Variants in OR2V2 observed in about 807,000 individuals in gnomAD.
OR2V2 encodes olfactory receptor 2V2.
For synonymous variants in OR2V2, 161 were observed against 151.3 expected, an observed-to-expected ratio of 1.06 and a Z score of -0.47; for missense variants, 392 against 392.2, an observed-to-expected ratio of 1.00 and a Z score of 0.00.
Position 181,155,895 on chromosome 5 carries a change from A to T in OR2V2, c.*5A>T. 1 of 1,605,032 alleles carries T rather than the reference A, an allele frequency of 6.2e-7. No individual in the cohort carries two copies. Among genetic ancestry groups the T allele is most frequent in the Non-Finnish European group, 8.5e-7 (1 of 1,173,068 alleles). On this transcript the variant is annotated 3_prime_UTR_variant, in exon 2 of 2. Transcript: ENST00000641492. The stretch of plus-strand genomic sequence containing the variant: ...AGGATCGGCAGCCAGCACTGAACCC[A>T]GGGCATCCAGTGCCTGGCTCTGCCA...
intron 1 of OR2V2, among the ~76,000 whole-genome samples, chr5:181,152,709 A>AC (rs1763207545): frequency 6.6e-6 from 1 of 152,196 alleles, no homozygotes; most frequent in African/African-American, 2.4e-5. Flanking sequence ...GTCACAAAAT[A>AC]CCCCACTCCT....
rs551319580 is a variant in OR2V2 at position 181,150,740 on chromosome 5, C to T, written c.-25+2745C>T. Among the ~76,000 whole-genome samples, 9 of 152,196 alleles carry T rather than the reference C, an allele frequency of 5.9e-5. No homozygotes were observed. The East Asian group carries it at 1.7e-3, about 29-fold the overall frequency. On this transcript the variant is annotated intron_variant, in intron 1 of 1. Coordinates refer to ENST00000641492, the MANE Select transcript of OR2V2 (RefSeq NM_206880.2). ...CCTGGAATCCCAGCACTTTGGGAGG[C>T]CGAGGTGGGAGGATTGCTTGAGATC...
Position 181,155,965 on chromosome 5 carries a change from A to G in OR2V2, c.*75A>G. 1 of 1,385,482 alleles carries G rather than the reference A, an allele frequency of 7.2e-7. No individual in the cohort carries two copies. The highest frequency in any genetic ancestry group is 9.8e-7 in the Non-Finnish European group (1 of 1,020,376). The allele number at this position is 1,385,482 out of a possible 1,614,324, so 85.8% of individuals were successfully genotyped here. A position where few individuals can be genotyped will look rare whatever the true frequency, so the allele number is the denominator to read the frequency against. On this transcript the variant is annotated 3_prime_UTR_variant, in exon 2 of 2. Coordinates refer to ENST00000641492, the MANE Select transcript of OR2V2 (RefSeq NM_206880.2). ...TCGGGTTAATAATTCTCTCATTTTC[A>G]GTCTTGGTTTCCTCGTGAATTATGA...
chr5:181,155,278 G>A lies in OR2V2; in HGVS notation c.336G>A (p.Glu112=), dbSNP rs140710127. The change falls in exon 2 of 2, where the codon GAG becomes GAA. Residue 112 remains glutamate (E), a synonymous_variant. Coordinates refer to ENST00000641492, the MANE Select transcript of OR2V2 (RefSeq NM_206880.2). ...TCTTTGTCTGTCTTGTGGGATCTGA[G>A]GGGCTCTTGCTGGGACTCATGGCTT... The part of the protein sequence containing the change: ...IGLFVCLVGS[E]GLLLGLMAYD... The A allele has an allele frequency of 1.4e-4, 230 of 1,614,160 alleles. 1 individual carries two copies. In the Middle Eastern group the frequency reaches 4.0e-3, roughly 28 times the overall value.
At chr5:181,149,784 T>C (rs1200963765) in intron 1 of OR2V2, among the ~76,000 whole-genome samples, 1 of 152,158 alleles carries the variant, frequency 6.6e-6, no homozygotes, top group Non-Finnish European at 1.5e-5. Context: ...TTTCAGTTTT[T>C]GCAAAGAAAT....
At chr5:181,149,544 T>C (rs935215610) in intron 1 of OR2V2, among the ~76,000 whole-genome samples, 14 of 152,206 alleles carry the variant, frequency 9.2e-5, no homozygotes, top group African/African-American at 3.4e-4. Flanking sequence ...ACAAATGTCT[T>C]TAGTGACTCA....
At chr5:181,150,846 G>A (rs1308465124) in intron 1 of OR2V2, among the ~76,000 whole-genome samples, 3 of 152,102 alleles carry the variant, frequency 2.0e-5, no homozygotes, top group African/African-American at 7.2e-5. Flanking sequence ...GCACGATGGT[G>A]CGCACTTGTG....
At chr5:181,149,245 G>A (rs1011247839) in intron 1 of OR2V2, among the ~76,000 whole-genome samples, 3 of 152,122 alleles carry the variant, frequency 2.0e-5, no homozygotes, top group African/African-American at 7.2e-5. Flanking sequence ...GGGTGGATAT[G>A]TGGGGTGGAT....
At chr5:181,148,391 G>T (rs1016420596) in intron 1 of OR2V2, among the ~76,000 whole-genome samples, 2 of 152,130 alleles carry the variant, frequency 1.3e-5, no homozygotes, top group African/African-American at 2.4e-5. Context: ...GTGGGACGGG[G>T]TCCTCTCATC....
chr5:181,149,760 A>G (rs1034999487), intron 1 of OR2V2, among the ~76,000 whole-genome samples: 3 of 152,176 alleles, frequency 2.0e-5, no homozygotes, highest in African/African-American at 4.8e-5. Context: ...TGCCCTTTCC[A>G]GTTTTCTGTC....
rs57951228 is a variant in OR2V2, at chr5:181,155,321, A to G, written c.379A>G (p.Ile127Val). 3.1e-3 allele frequency: 4,948 copies of G among 1,614,006 alleles called. 140 individuals carry two copies. The African/African-American group carries it at 0.057, about 19-fold the overall frequency. Residue 127 changes from isoleucine (I) to valine (V), a missense_variant, in exon 2 of 2, where the codon ATT (isoleucine) becomes GTT (valine). By Grantham distance (29) the Ile-to-Val change is conservative. Coordinates refer to ENST00000641492, the MANE Select transcript of OR2V2 (RefSeq NM_206880.2). ...CATGGCTTATGACCGCTATGTGGCC[A>G]TTAGCCACCCACTTCACTATCCCAT... is the stretch of plus-strand genomic sequence containing the variant. ...GLMAYDRYVA[I>V]SHPLHYPILM...
At chr5:181,148,615 C>G (rs2113343633) in intron 1 of OR2V2, among the ~76,000 whole-genome samples, 1 of 152,390 alleles carries the variant, frequency 6.6e-6, no homozygotes, top group Middle Eastern at 3.4e-3. Flanking sequence ...ATGCCAGGCA[C>G]TGGTCCAGGA....
Position 181,155,524 on chromosome 5 carries a change from C to A in OR2V2, c.582C>A (p.Ser194=), listed in dbSNP as rs771825912. The change falls in exon 2 of 2, where the codon TCC becomes TCA. Residue 194 remains serine (S), a synonymous_variant. Coordinates refer to ENST00000641492, the MANE Select transcript of OR2V2 (RefSeq NM_206880.2). The part of the protein sequence containing the change: ...SLLKLACVDT[S]LFEKVIFACC... ...TGAAGCTGGCCTGTGTAGACACATCCCTGTTTGAGAAGGTGATATTTGCTT... is the reference window on the plus strand; with the variant it reads ...TGAAGCTGGCCTGTGTAGACACATCACTGTTTGAGAAGGTGATATTTGCTT... 1.2e-6 allele frequency: 2 copies of A among 1,614,110 alleles called. No individual in the cohort carries two copies. Among genetic ancestry groups the A allele is most frequent in the East Asian group, 4.5e-5 (2 of 44,872 alleles).
chr5:181,154,394 C>T lies in OR2V2; in HGVS notation c.-24-525C>T, dbSNP rs543614622. Among the ~76,000 whole-genome samples the T allele has an allele frequency of 6.6e-5, 10 of 152,166 alleles. No individual in the cohort carries two copies. In the East Asian group the frequency reaches 1.9e-3, roughly 29 times the overall value. On this transcript the variant is annotated intron_variant, in intron 1 of 1. Coordinates refer to ENST00000641492, the MANE Select transcript of OR2V2 (RefSeq NM_206880.2). ...CACAAGGTCAGGAGATCGAGAGCAT[C>T]CTGCCTAACACGGTGAAACCCCGTC...
At position 181,150,776 on chromosome 5, in the gene OR2V2, G is replaced by A. The variant is rs1435371523; in HGVS notation, c.-25+2781G>A. Among the ~76,000 whole-genome samples the A allele has an allele frequency of 3.3e-5, 5 of 152,064 alleles. No individual in the cohort carries two copies. The East Asian group carries it at 9.7e-4, about 29-fold the overall frequency. On this transcript the variant is annotated intron_variant, in intron 1 of 1. Coordinates refer to ENST00000641492, the MANE Select transcript of OR2V2 (RefSeq NM_206880.2). ...GGATTGCTTGAGATCAGGAGTTCAA[G>A]ACCAGCCTGGGAAACATAAGGAGAC...
intron 1 of OR2V2, among the ~76,000 whole-genome samples, 156 bp downstream of exon 1, chr5:181,148,151 G>A (rs1243684925): frequency 6.6e-6 from 1 of 152,164 alleles, no homozygotes; most frequent in Admixed American, 6.6e-5. Context: ...TTTTGGGGGG[G>A]CATCCGCCTT....
Position 181,158,076 on chromosome 5 carries a change from T to C in OR2V2, c.*2186T>C, listed in dbSNP as rs1318350374. ...ATTGGCATAGGCTTGATGTCCTTAATTCATTTCCCGCACAAGGACCAGGGA... is the reference window on the plus strand; with the variant it reads ...ATTGGCATAGGCTTGATGTCCTTAACTCATTTCCCGCACAAGGACCAGGGA... On this transcript the variant is annotated 3_prime_UTR_variant, in exon 2 of 2. Transcript: ENST00000641492. The C allele has an allele frequency of 2.0e-5, 3 of 152,238 alleles. No individual in the cohort carries two copies. Among genetic ancestry groups the C allele is most frequent in the Non-Finnish European group, 4.4e-5 (3 of 68,042 alleles). The allele number at this position is 152,238 out of a possible 1,614,324, so 9.4% of individuals were successfully genotyped here.
intron 1 of OR2V2, among the ~76,000 whole-genome samples, chr5:181,148,517 T>C (rs1363729267): frequency 2.0e-5 from 3 of 152,154 alleles, no homozygotes; most frequent in African/African-American, 7.2e-5. Flanking sequence ...AGCAGGAAAA[T>C]GAGCCAGTGA....
At position 181,156,074 on chromosome 5, in the gene OR2V2, T is replaced by TTTCTTTCTTTC. The variant is rs1561631541; in HGVS notation, c.*184_*185insTTCTTTCTTTC. 6.0e-5 allele frequency: 8 copies of TTTCTTTCTTTC among 134,122 alleles called. No homozygotes were observed. The South Asian group carries it at 6.2e-4, about 10-fold the overall frequency. 8.3% of individuals were successfully genotyped at this position (134,122 alleles called of 1,614,324 possible). On this transcript the variant is annotated 3_prime_UTR_variant, in exon 2 of 2. Transcript: ENST00000641492. ...TCTTTCTTTCTTTCTTTCTTTCTTT[T>TTTCTTTCTTTC]GTTCTTTCTTTCGTTCTTTCTTTCT...
Sources: gnomAD v4.1 joint callset for allele counts (sites outside exome capture counted in the v4.1 genomes callset) on GRCh38, gnomAD v4.1.1 for gene constraint, MANE v1.5 for transcripts, NCBI Gene and HGNC (gene_info 2026-07-23, HGNC 2026-07-21) for gene names.